The following NFIB variants were observed in gnomAD, a reference collection of about 807,000 sequenced individuals.
The protein encoded by NFIB is nuclear factor 1 B-type.
In NFIB, 11 loss-of-function variants were observed where a neutral mutation model predicts 61.5. That is an observed-to-expected ratio of 0.18 (90% CI 0.11 to 0.30). The LOEUF (loss-of-function observed/expected upper bound fraction) is 0.30. NFIB is among the 10% of genes least tolerant of loss of function. The probability of loss-of-function intolerance (pLI) is 1.00; values close to 1 mark genes in which losing one functional copy is unlikely to be tolerated. For missense variants in NFIB, 471 were observed against 608.9 expected, an observed-to-expected ratio of 0.77 and a Z score of 2.38; for synonymous variants, 260 against 216.5, an observed-to-expected ratio of 1.20 and a Z score of -1.76.
At chr9:14,482,371 T>C in the NFIB span, among the ~76,000 whole-genome samples, 3 of 152,192 alleles carry the variant, frequency 2.0e-5, no homozygotes, top group Non-Finnish European at 4.4e-5. Flanking sequence ...TATCGTGTTA[T>C]GTCCCCTCCT....
At chr9:14,275,300 A>C (rs2057919756) in intron 2 of NFIB, among the ~76,000 whole-genome samples, 1 of 152,168 alleles carries the variant, frequency 6.6e-6, no homozygotes, top group South Asian at 2.1e-4. Context: ...TGTTCAACTA[A>C]AGTCAACTTC....
rs963738617 is a variant in NFIB, at chr9:14,382,804, C to T, written c.108+15720G>A. 2.6e-5 allele frequency among the ~76,000 whole-genome samples: 4 copies of T among 152,090 alleles called. No homozygotes were observed. In the South Asian group the frequency reaches 6.2e-4, roughly 24 times the overall value. On this transcript the variant is annotated intron_variant, in intron 1 of 8. Coordinates refer to the NFIB transcript ENST00000380934. Reference sequence around the variant, plus strand: ...GATGATTGGAATAAATGAACTGTAGCTGCACTACTAGAAAAATGCAACACA... The same window carrying T: ...GATGATTGGAATAAATGAACTGTAGTTGCACTACTAGAAAAATGCAACACA...
the NFIB span, among the ~76,000 whole-genome samples, chr9:14,430,320 T>C: frequency 6.6e-6 from 1 of 152,042 alleles, no homozygotes; most frequent in Non-Finnish European, 1.5e-5. Context: ...ATACAGCGAA[T>C]TAAGACTTCT....
chr9:14,423,091 C>G, the NFIB span, among the ~76,000 whole-genome samples: 2 of 152,106 alleles, frequency 1.3e-5, no homozygotes, highest in Non-Finnish European at 2.9e-5. Context: ...ATGCCAGTAG[C>G]AATATTTAAC....
At chr9:14,492,466 G>A in the NFIB span, among the ~76,000 whole-genome samples, 5 of 152,138 alleles carry the variant, frequency 3.3e-5, no homozygotes, top group East Asian at 1.9e-4. Context: ...TATACAGGAC[G>A]AATGATGCTG....
At chr9:14,133,094 T>C (rs372743983) in intron 6 of NFIB, among the ~76,000 whole-genome samples, 200 of 152,302 alleles carry the variant, frequency 1.3e-3, no homozygotes, top group African/African-American at 4.5e-3. Context: ...TTATATTATA[T>C]TGACAAGTTT....
chr9:14,250,548 T>C (rs945917017), intron 2 of NFIB, among the ~76,000 whole-genome samples: 5 of 152,180 alleles, frequency 3.3e-5, no homozygotes, highest in Non-Finnish European at 7.3e-5. Flanking sequence ...CTACCTCAAT[T>C]TGATTTTGTG....
At chr9:14,502,682 T>C in the NFIB span, among the ~76,000 whole-genome samples, 1 of 152,192 alleles carries the variant, frequency 6.6e-6, no homozygotes, top group East Asian at 1.9e-4. Flanking sequence ...GGAATCCCTA[T>C]TGTTTCCTAG....
chr9:14,306,920 A>C, intron 2 of NFIB, 69 bp downstream of exon 2: 2 of 1,571,004 alleles, frequency 1.3e-6, no homozygotes, highest in Non-Finnish European at 1.7e-6. Flanking sequence ...AACTCAAGCC[A>C]GATACTCTGT....
intron 2 of NFIB, among the ~76,000 whole-genome samples, chr9:14,182,048 A>C (rs2046838529): frequency 6.6e-6 from 1 of 152,238 alleles, no homozygotes; most frequent in African/African-American, 2.4e-5. Flanking sequence ...GAAACTATCC[A>C]GCTAGAACAA....
intron 10 of NFIB, among the ~76,000 whole-genome samples, chr9:14,107,354 C>T (rs2036714328): frequency 6.6e-6 from 1 of 151,610 alleles, no homozygotes; most frequent in South Asian, 2.1e-4. Flanking sequence ...TACTCAAGAT[C>T]ATCCTCATAT....
chr9:14,366,490 T>A (rs1228391850), intron 1 of NFIB, among the ~76,000 whole-genome samples: 1 of 152,084 alleles, frequency 6.6e-6, no homozygotes, highest in Non-Finnish European at 1.5e-5. Context: ...TTTATTCTTT[T>A]TTTTTTTCTT....
chr9:14,305,125 G>T (rs1346877521), intron 2 of NFIB, among the ~76,000 whole-genome samples: 1 of 152,126 alleles, frequency 6.6e-6, no homozygotes, highest in Non-Finnish European at 1.5e-5. Flanking sequence ...AACATGGAAG[G>T]CATTTATGCG....
At chr9:14,108,366 G>C (rs1587248915) in intron 10 of NFIB, among the ~76,000 whole-genome samples, 1 of 151,774 alleles carries the variant, frequency 6.6e-6, no homozygotes, top group African/African-American at 2.4e-5. Context: ...CATTTGCCAG[G>C]ACAAATATTA....
chr9:14,279,839 C>T (rs888979774), intron 2 of NFIB, among the ~76,000 whole-genome samples: 13 of 152,172 alleles, frequency 8.5e-5, no homozygotes, highest in Non-Finnish European at 1.2e-4. Flanking sequence ...GATGTGAACT[C>T]AGAAGGTAAG....
At chr9:14,465,898 G>A in the NFIB span, among the ~76,000 whole-genome samples, 2 of 152,206 alleles carry the variant, frequency 1.3e-5, no homozygotes, top group South Asian at 4.2e-4. Flanking sequence ...TGTGACAATC[G>A]AAATGTGTCC....
chr9:14,337,334 A>G lies in NFIB; in HGVS notation c.109-29814T>C, dbSNP rs371385751. Among the ~76,000 whole-genome samples, 26 of 152,378 alleles carry G rather than the reference A, an allele frequency of 1.7e-4. 1 individual carries two copies. Among genetic ancestry groups the G allele is most frequent in the African/African-American group, 6.2e-4 (26 of 41,604 alleles). On this transcript the variant is annotated intron_variant, in intron 1 of 8. Coordinates refer to the NFIB transcript ENST00000380934. Reference sequence around the variant, plus strand: ...AGAAAGAAGCAAGTCATAAAAGGATACATGCAGTATGATTTTATTTATGTA... The same window carrying G: ...AGAAAGAAGCAAGTCATAAAAGGATGCATGCAGTATGATTTTATTTATGTA...
At chr9:14,111,024 T>C (rs1402339776) in intron 10 of NFIB, among the ~76,000 whole-genome samples, 3 of 152,180 alleles carry the variant, frequency 2.0e-5, no homozygotes, top group Non-Finnish European at 4.4e-5. Context: ...ATCCCATAAG[T>C]ATTAACTATA....
At chr9:14,522,068 G>GACA in the NFIB span, among the ~76,000 whole-genome samples, 1 of 152,194 alleles carries the variant, frequency 6.6e-6, no homozygotes, top group Non-Finnish European at 1.5e-5. Context: ...AGCCCAAACT[G>GACA]ACAAATATGG....
Sources: allele counts gnomAD v4.1 joint callset (sites outside exome capture counted in the v4.1 genomes callset), GRCh38; gene constraint gnomAD v4.1.1; transcripts MANE v1.5; gene names NCBI Gene and HGNC (gene_info 2026-07-23, HGNC 2026-07-21).